The following GRID2 variants were observed in gnomAD, a reference collection of about 807,000 sequenced individuals.
GRID2 encodes glutamate receptor ionotropic, delta-2.
In GRID2, 33 loss-of-function variants were observed where a neutral mutation model predicts 114.8. That is an observed-to-expected ratio of 0.29 (90% confidence interval 0.22 to 0.38). GRID2 has a LOEUF of 0.38. Among genes scored for constraint, GRID2 ranks in the 10% least tolerant of loss-of-function variants. GRID2 has a pLI of 1.00. For missense variants in GRID2, 1,184 were observed against 1,257.7 expected (o/e 0.94, Z 0.89); for synonymous variants, 505 against 449.9 (o/e 1.12, Z -1.55).
intron 2 of GRID2, among the ~76,000 whole-genome samples, chr4:92,700,718 C>T (rs910030360): frequency 2.6e-5 from 4 of 152,082 alleles, no homozygotes; most frequent in South Asian, 4.1e-4. Flanking sequence ...TCAGGCTGGG[C>T]GCGGTGGCTC....
At chr4:93,160,103 A>T (rs906374673) in intron 4 of GRID2, among the ~76,000 whole-genome samples, 1 of 151,918 alleles carries the variant, frequency 6.6e-6, no homozygotes, top group South Asian at 2.1e-4. Flanking sequence ...TCACAGTTAA[A>T]CAATACCAGA....
intron 2 of GRID2, among the ~76,000 whole-genome samples, chr4:92,705,921 G>A (rs1344231391): frequency 6.6e-6 from 1 of 152,120 alleles, no homozygotes; most frequent in Non-Finnish European, 1.5e-5. Context: ...AGTTGTTCAG[G>A]AAGTCTATCA....
intron 14 of GRID2, among the ~76,000 whole-genome samples, chr4:93,664,389 T>C (rs889431707): frequency 6.6e-6 from 1 of 152,234 alleles, no homozygotes; most frequent in Non-Finnish European, 1.5e-5. Flanking sequence ...TGCTCTGTTA[T>C]GGTAAACTGT....
chr4:93,214,260 G>T (rs887231840), intron 5 of GRID2, among the ~76,000 whole-genome samples: 5 of 151,916 alleles, frequency 3.3e-5, no homozygotes, highest in Non-Finnish European at 5.9e-5. Context: ...AAAATTCAGA[G>T]CATTAGGATA....
At chr4:92,871,314 T>TG (rs1371672135) in intron 2 of GRID2, among the ~76,000 whole-genome samples, 1 of 140,748 alleles carries the variant, frequency 7.1e-6, no homozygotes, top group African/African-American at 2.7e-5. Flanking sequence ...CTCTGATTCT[T>TG]TTTTTTTCTG....
At chr4:92,789,206 A>T (rs750057365) in intron 2 of GRID2, among the ~76,000 whole-genome samples, 2 of 150,890 alleles carry the variant, frequency 1.3e-5, no homozygotes, top group Non-Finnish European at 3.0e-5. Context: ...TGTCTGTCAC[A>T]CCCTTTCCCT....
intron 8 of GRID2, among the ~76,000 whole-genome samples, chr4:93,257,140 A>G (rs1749687771): frequency 6.6e-6 from 1 of 151,862 alleles, no homozygotes; most frequent in Admixed American, 6.6e-5. Flanking sequence ...TCTGAAACAC[A>G]GAAAATGACA....
chr4:92,853,165 C>A (rs1006125200), intron 2 of GRID2, among the ~76,000 whole-genome samples: 13 of 151,844 alleles, frequency 8.6e-5, no homozygotes, highest in South Asian at 4.1e-4. Flanking sequence ...AGCTCACTAA[C>A]CTTCAGGTCC....
intron 1 of GRID2, among the ~76,000 whole-genome samples, chr4:92,491,153 C>T (rs1723128706): frequency 6.6e-6 from 1 of 152,036 alleles, no homozygotes. Context: ...TAAATATTTG[C>T]TGAATCACTA....
intron 6 of GRID2, among the ~76,000 whole-genome samples, chr4:93,224,132 A>T (rs1280347961): frequency 6.6e-6 from 1 of 152,174 alleles, no homozygotes; most frequent in Non-Finnish European, 1.5e-5. Flanking sequence ...ACAAAAATAC[A>T]CACAGTAGAC....
chr4:92,721,692 C>A (rs1398298133), intron 2 of GRID2, among the ~76,000 whole-genome samples: 1 of 152,046 alleles, frequency 6.6e-6, no homozygotes, highest in Non-Finnish European at 1.5e-5. Context: ...TGTAAGAATA[C>A]CTTTTTCTGT....
At chr4:93,597,549 A>G (rs536190412) in intron 13 of GRID2, among the ~76,000 whole-genome samples, 4 of 152,206 alleles carry the variant, frequency 2.6e-5, no homozygotes, top group Admixed American at 2.0e-4. Flanking sequence ...CTCATTTGTG[A>G]TTTCTCTTTC....
At chr4:93,113,573 C>A (rs898131067) in intron 4 of GRID2, among the ~76,000 whole-genome samples, 1 of 152,138 alleles carries the variant, frequency 6.6e-6, no homozygotes, top group Non-Finnish European at 1.5e-5. Context: ...TAGGCACTAG[C>A]GATACAATGA....
At chr4:92,480,936 T>C (rs1417460633) in intron 1 of GRID2, among the ~76,000 whole-genome samples, 3 of 152,136 alleles carry the variant, frequency 2.0e-5, no homozygotes, top group Admixed American at 6.6e-5. Context: ...GTCAACTCTC[T>C]TGTTCAGCTT....
At chr4:93,677,114 C>T (rs1245531067) in intron 14 of GRID2, among the ~76,000 whole-genome samples, 1 of 152,202 alleles carries the variant, frequency 6.6e-6, no homozygotes, top group Non-Finnish European at 1.5e-5. Flanking sequence ...AAATGGCCCA[C>T]CAGGAGATTA....
chr4:93,645,987 A>C (rs1272260435), intron 14 of GRID2, among the ~76,000 whole-genome samples: 1 of 152,174 alleles, frequency 6.6e-6, no homozygotes, highest in Non-Finnish European at 1.5e-5. Flanking sequence ...TAAGGCAAGC[A>C]GTTTACTAGA....
At chr4:92,368,126 G>T (rs547456093) in intron 1 of GRID2, among the ~76,000 whole-genome samples, 22 of 152,208 alleles carry the variant, frequency 1.4e-4, no homozygotes, top group African/African-American at 5.3e-4. Context: ...ATGGGTGCGG[G>T]TCTCAGAGTA....
At chr4:93,012,734 T>C (rs1458446802) in intron 2 of GRID2, among the ~76,000 whole-genome samples, 1 of 152,076 alleles carries the variant, frequency 6.6e-6, no homozygotes, top group Non-Finnish European at 1.5e-5. Flanking sequence ...AAGAACTGAA[T>C]GAAATTGCCT....
At chr4:93,440,756 T>G (rs1721550920) in intron 10 of GRID2, among the ~76,000 whole-genome samples, 1 of 152,094 alleles carries the variant, frequency 6.6e-6, no homozygotes, top group African/African-American at 2.4e-5. Flanking sequence ...AATGACTTAG[T>G]GAATGGCTGT....
Sources: gnomAD v4.1 joint callset for allele counts (sites outside exome capture counted in the v4.1 genomes callset) on GRCh38, gnomAD v4.1.1 for gene constraint, MANE v1.5 for transcripts, NCBI Gene and HGNC (gene_info 2026-07-23, HGNC 2026-07-21) for gene names.